CHRM3: variants seen among roughly 807,000 people sequenced by gnomAD.
CHRM3 encodes muscarinic acetylcholine receptor M3.
CHRM3 carries 11 observed loss-of-function variants against 41.8 expected under a neutral mutation model. The ratio of observed to expected loss-of-function variants is 0.26; its 90% confidence interval spans 0.17 to 0.44. CHRM3 has a LOEUF of 0.44. Among genes scored for constraint, CHRM3 ranks in the 20% least tolerant of loss-of-function variants. The probability of loss-of-function intolerance (pLI) is 1.00; values close to 1 mark genes in which losing one functional copy is unlikely to be tolerated. For missense variants in CHRM3, 571 were observed against 745.4 expected (o/e 0.77, Z 2.72); for synonymous variants, 297 against 301.4 (o/e 0.99, Z 0.15).
intron 1 of CHRM3, among the ~76,000 whole-genome samples, chr1:239,416,165 G>T (rs1262882928): frequency 6.6e-6 from 1 of 152,190 alleles, no homozygotes; most frequent in East Asian, 1.9e-4. Flanking sequence ...TTTTCCAGTG[G>T]TCATAGGTTG....
chr1:239,761,432 A>C (rs2148656462), intron 5 of CHRM3, among the ~76,000 whole-genome samples: 1 of 152,234 alleles, frequency 6.6e-6, no homozygotes, highest in South Asian at 2.1e-4. Context: ...TACATGTCTA[A>C]GGATTCTTTT....
At chr1:239,639,795 A>T (rs1241616196) in intron 4 of CHRM3, among the ~76,000 whole-genome samples, 19 of 149,224 alleles carry the variant, frequency 1.3e-4, no homozygotes, top group African/African-American at 4.5e-4. Context: ...AACTTCCAAC[A>T]CTATGTTGAA....
At chr1:239,858,698 A>G (rs891975963) in intron 6 of CHRM3, among the ~76,000 whole-genome samples, 1 of 152,016 alleles carries the variant, frequency 6.6e-6, no homozygotes, top group African/African-American at 2.4e-5. Flanking sequence ...ATCTCTTTCT[A>G]GTTTCACAGC....
intron 5 of CHRM3, among the ~76,000 whole-genome samples, chr1:239,682,899 A>G (rs1230846147): frequency 6.6e-6 from 1 of 152,022 alleles, no homozygotes; most frequent in Non-Finnish European, 1.5e-5. Flanking sequence ...ATGGGGGTAA[A>G]GTGTGATGTT....
intron 1 of CHRM3, among the ~76,000 whole-genome samples, chr1:239,416,613 C>G (rs1178098379): frequency 6.6e-6 from 1 of 152,050 alleles, no homozygotes; most frequent in Non-Finnish European, 1.5e-5. Flanking sequence ...TCAAGAACCA[C>G]TAATGTTTAT....
At chr1:239,712,616 G>T (rs746056644) in intron 5 of CHRM3, among the ~76,000 whole-genome samples, 6 of 152,162 alleles carry the variant, frequency 3.9e-5, no homozygotes, top group African/African-American at 1.4e-4. Flanking sequence ...GCATAATGCC[G>T]CATTTCCTCG....
intron 3 of CHRM3, among the ~76,000 whole-genome samples, chr1:239,608,272 G>A (rs1666584756): frequency 6.6e-6 from 1 of 152,146 alleles, no homozygotes; most frequent in Non-Finnish European, 1.5e-5. Flanking sequence ...GCCATGGTAG[G>A]TGTAGGATGC....
At chr1:239,401,505 T>G (rs1659970627) in intron 1 of CHRM3, among the ~76,000 whole-genome samples, 1 of 144,656 alleles carries the variant, frequency 6.9e-6, no homozygotes, top group South Asian at 2.1e-4. Context: ...CCTTTTTTTT[T>G]TCTTTTTTGA....
At chr1:239,492,622 G>T (rs561221769) in intron 1 of CHRM3, 87 bp from the exon 2 acceptor site, 1 of 152,260 alleles carries the variant, frequency 6.6e-6, no homozygotes, top group Admixed American at 6.5e-5. Context: ...CACACACTCA[G>T]CTGAGGACGA....
At chr1:239,699,663 A>G (rs1195653267) in intron 5 of CHRM3, among the ~76,000 whole-genome samples, 1 of 152,182 alleles carries the variant, frequency 6.6e-6, no homozygotes, top group African/African-American at 2.4e-5. Context: ...TAAAATTAGG[A>G]TGTATGTCTT....
intron 4 of CHRM3, among the ~76,000 whole-genome samples, chr1:239,636,399 G>C (rs1200151887): frequency 6.6e-6 from 1 of 152,168 alleles, no homozygotes; most frequent in African/African-American, 2.4e-5. Context: ...AGTTTATTCT[G>C]TCTTCAAGGG....
intron 5 of CHRM3, among the ~76,000 whole-genome samples, chr1:239,818,922 A>G (rs1457999080): frequency 1.3e-5 from 2 of 152,150 alleles, no homozygotes; most frequent in Non-Finnish European, 2.9e-5. Context: ...GTTGCTGTGA[A>G]GCTCCTGTTG....
chr1:239,511,284 C>A (rs996300515), intron 2 of CHRM3, among the ~76,000 whole-genome samples: 3 of 152,142 alleles, frequency 2.0e-5, no homozygotes, highest in African/African-American at 7.2e-5. Context: ...GTAAATAAGT[C>A]ATCTGTAGCT....
intron 3 of CHRM3, among the ~76,000 whole-genome samples, chr1:239,620,288 T>C (rs1033093640): frequency 6.6e-6 from 1 of 152,180 alleles, no homozygotes; most frequent in African/African-American, 2.4e-5. Flanking sequence ...ATTATCTCCC[T>C]CTTAATGCCA....
chr1:239,423,798 G>T (rs142613376), intron 1 of CHRM3, among the ~76,000 whole-genome samples: 1,632 of 152,140 alleles, frequency 0.011, 23 homozygotes, highest in African/African-American at 0.037. Context: ...GAAAAAGCAA[G>T]CCAACCCAGC....
At chr1:239,549,849 C>T (rs999867480) in intron 3 of CHRM3, among the ~76,000 whole-genome samples, 10 of 151,576 alleles carry the variant, frequency 6.6e-5, no homozygotes, top group African/African-American at 2.2e-4. Context: ...TTTGGAGACA[C>T]GAAATAGATG....
intron 3 of CHRM3, among the ~76,000 whole-genome samples, chr1:239,579,221 A>T (rs1015095424): frequency 6.6e-6 from 1 of 152,152 alleles, no homozygotes; most frequent in Non-Finnish European, 1.5e-5. Flanking sequence ...CCAATCTACT[A>T]GCTCTACCAA....
At chr1:239,546,764 A>G (rs144072898) in intron 3 of CHRM3, among the ~76,000 whole-genome samples, 1 of 152,276 alleles carries the variant, frequency 6.6e-6, no homozygotes, top group East Asian at 1.9e-4. Flanking sequence ...TTTACACATG[A>G]AGGAGAAAGA....
At chr1:239,495,287 C>T (rs1328340783) in intron 2 of CHRM3, among the ~76,000 whole-genome samples, 1 of 152,160 alleles carries the variant, frequency 6.6e-6, no homozygotes, top group African/African-American at 2.4e-5. Flanking sequence ...TCCATGTAGG[C>T]ATTTGGGTCT....
Sources: gnomAD v4.1 joint callset for allele counts (sites outside exome capture counted in the v4.1 genomes callset) on GRCh38, gnomAD v4.1.1 for gene constraint, MANE v1.5 for transcripts, NCBI Gene and HGNC (gene_info 2026-07-23, HGNC 2026-07-21) for gene names.